The following RBFOX1 variants were observed in gnomAD, a reference collection of about 807,000 sequenced individuals.
RBFOX1 encodes RNA binding protein fox-1 homolog 1.
Under a neutral mutation model 57.7 loss-of-function variants are expected in RBFOX1, and 8 were observed. The observed-to-expected ratio is 0.14, with a 90% confidence interval of 0.08 to 0.25. The LOEUF is 0.25. Among genes scored for constraint, RBFOX1 ranks in the 10% least tolerant of loss-of-function variants. RBFOX1 has a pLI of 1.00. For synonymous variants in RBFOX1, 326 were observed against 222.4 expected, an observed-to-expected ratio of 1.47 and a Z score of -4.15; for missense variants, 611 against 548.5, an observed-to-expected ratio of 1.11 and a Z score of -1.14.
At chr16:7,668,973 A>G (rs1429320796) in intron 13 of RBFOX1, among the ~76,000 whole-genome samples, 1 of 152,174 alleles carries the variant, frequency 6.6e-6, no homozygotes, top group Non-Finnish European at 1.5e-5. Flanking sequence ...GCACGATCTC[A>G]GCTCACTTGC....
At chr16:6,070,283 C>G (rs1358869747) in intron 1 of RBFOX1, among the ~76,000 whole-genome samples, 6 of 152,156 alleles carry the variant, frequency 3.9e-5, no homozygotes, top group Non-Finnish European at 1.5e-5. Flanking sequence ...AAAATAATTT[C>G]AGGGAAGACG....
chr16:6,835,814 C>T (rs1219100372), intron 3 of RBFOX1, among the ~76,000 whole-genome samples: 1 of 147,212 alleles, frequency 6.8e-6, no homozygotes, highest in African/African-American at 2.5e-5. Context: ...AATCGGTGTC[C>T]TGATGGATGG....
At chr16:7,610,783 A>G (rs907314742) in intron 10 of RBFOX1, among the ~76,000 whole-genome samples, 4 of 152,210 alleles carry the variant, frequency 2.6e-5, no homozygotes, top group African/African-American at 9.6e-5. Context: ...ACCTGCATCT[A>G]TGGAATGGAC....
intron 4 of RBFOX1, among the ~76,000 whole-genome samples, chr16:7,140,517 T>C (rs1198989571): frequency 6.6e-6 from 1 of 152,096 alleles, no homozygotes; most frequent in Non-Finnish European, 1.5e-5. Context: ...GCATATAGTA[T>C]GAGTTTAATA....
chr16:6,579,320 C>G (rs1003814105), intron 2 of RBFOX1, among the ~76,000 whole-genome samples: 1 of 152,088 alleles, frequency 6.6e-6, no homozygotes, highest in Non-Finnish European at 1.5e-5. Context: ...CCTCCCACCT[C>G]GGTCTCTTGA....
intron 3 of RBFOX1, among the ~76,000 whole-genome samples, chr16:6,892,405 C>T (rs772534350): frequency 6.6e-6 from 1 of 152,152 alleles, no homozygotes; most frequent in Non-Finnish European, 1.5e-5. Context: ...CATGGTGGCT[C>T]ACACCTATAA....
chr16:5,781,341 C>G (rs1246376812), intron 3 of RBFOX1, among the ~76,000 whole-genome samples: 2 of 152,140 alleles, frequency 1.3e-5, no homozygotes, highest in African/African-American at 2.4e-5. Flanking sequence ...TCTATTGAAC[C>G]TATTTCTAGA....
At chr16:7,616,106 G>T (rs1005902955) in intron 10 of RBFOX1, among the ~76,000 whole-genome samples, 1 of 152,166 alleles carries the variant, frequency 6.6e-6, no homozygotes, top group Non-Finnish European at 1.5e-5. Flanking sequence ...AGCTGTGTTG[G>T]GAGTCCCCAA....
chr16:6,155,130 A>G (rs1014487470), intron 1 of RBFOX1, among the ~76,000 whole-genome samples: 3 of 152,210 alleles, frequency 2.0e-5, no homozygotes, highest in Admixed American at 6.5e-5. Flanking sequence ...TCTAGGTAGA[A>G]TAAAATCCAT....
intron 4 of RBFOX1, among the ~76,000 whole-genome samples, chr16:7,189,867 C>G (rs2084944212): frequency 6.6e-6 from 1 of 152,178 alleles, no homozygotes; most frequent in Non-Finnish European, 1.5e-5. Context: ...GCCTTTATGT[C>G]TGCAATAGGC....
intron 3 of RBFOX1, among the ~76,000 whole-genome samples, chr16:7,036,353 T>C (rs554184875): frequency 6.6e-6 from 1 of 152,246 alleles, no homozygotes; most frequent in African/African-American, 2.4e-5. Context: ...TTTCTACCGC[T>C]GTGTTATAGG....
At chr16:5,341,047 A>G (rs779268233) in intron 1 of RBFOX1, among the ~76,000 whole-genome samples, 2 of 152,186 alleles carry the variant, frequency 1.3e-5, no homozygotes, top group African/African-American at 2.4e-5. Flanking sequence ...GAAGAAGAGT[A>G]TTCTAGGCAG....
At chr16:6,185,234 G>C (rs1160656778) in intron 1 of RBFOX1, among the ~76,000 whole-genome samples, 1 of 152,090 alleles carries the variant, frequency 6.6e-6, no homozygotes, top group Non-Finnish European at 1.5e-5. Flanking sequence ...CTCTCCATCT[G>C]TCACTCTCTT....
chr16:6,635,940 C>T (rs927897101), intron 2 of RBFOX1, among the ~76,000 whole-genome samples: 1 of 152,120 alleles, frequency 6.6e-6, no homozygotes. Context: ...AATGAGGTAT[C>T]TTGGGGATGG....
intron 4 of RBFOX1, among the ~76,000 whole-genome samples, chr16:7,335,360 C>G (rs1270650789): frequency 6.6e-6 from 1 of 152,106 alleles, no homozygotes; most frequent in African/African-American, 2.4e-5. Context: ...CCAAAATAAA[C>G]CATGTGTACT....
intron 3 of RBFOX1, among the ~76,000 whole-genome samples, chr16:6,907,142 A>G (rs940802816): frequency 6.6e-6 from 1 of 152,188 alleles, no homozygotes; most frequent in African/African-American, 2.4e-5. Flanking sequence ...ATATCTGTAG[A>G]CATTTCTGTG....
chr16:7,449,802 G>A (rs1049630681), intron 4 of RBFOX1, among the ~76,000 whole-genome samples: 1 of 149,950 alleles, frequency 6.7e-6, no homozygotes, highest in Non-Finnish European at 1.5e-5. Flanking sequence ...CACTGCTTCT[G>A]TGACATAAAG....
intron 2 of RBFOX1, among the ~76,000 whole-genome samples, 185 bp downstream of exon 2, chr16:6,317,242 T>C (rs368892118): frequency 6.6e-6 from 1 of 152,132 alleles, no homozygotes; most frequent in African/African-American, 2.4e-5. Flanking sequence ...AGAACCACCC[T>C]CCTTTAGCCC....
intron 4 of RBFOX1, among the ~76,000 whole-genome samples, chr16:7,278,386 C>T (rs2095480698): frequency 6.6e-6 from 1 of 152,146 alleles, no homozygotes; most frequent in South Asian, 2.1e-4. Flanking sequence ...CATAAAGATT[C>T]CTATGTATAT....
Sources: allele counts gnomAD v4.1 joint callset (sites outside exome capture counted in the v4.1 genomes callset), GRCh38; gene constraint gnomAD v4.1.1; transcripts MANE v1.5; gene names NCBI Gene and HGNC (gene_info 2026-07-23, HGNC 2026-07-21).